ZFHX3: variants seen among roughly 807,000 people sequenced by gnomAD.
ZFHX3 encodes the protein zinc finger homeobox protein 3.
ZFHX3 carries 42 observed loss-of-function variants against 279.1 expected under a neutral mutation model. That is an observed-to-expected ratio of 0.15 (90% CI 0.12 to 0.19). The LOEUF (loss-of-function observed/expected upper bound fraction) is 0.19. ZFHX3 is among the 10% of genes least tolerant of loss of function. The probability of loss-of-function intolerance (pLI) is 1.00; values close to 1 mark genes in which losing one functional copy is unlikely to be tolerated. For missense variants in ZFHX3, 4,981 were observed against 4,754.0 expected, an observed-to-expected ratio of 1.05 and a Z score of -1.40; for synonymous variants, 2,293 against 1,957.8, an observed-to-expected ratio of 1.17 and a Z score of -4.52.
intron 2 of ZFHX3, among the ~76,000 whole-genome samples, chr16:73,659,321 G>A (rs992026656): frequency 9.9e-5 from 15 of 152,132 alleles, no homozygotes; most frequent in African/African-American, 3.6e-4. Context: ...TCAGGGAAGA[G>A]AAGGACCCTG....
rs558831993 is a variant in ZFHX3 at position 72,832,063 on chromosome 16, T to C, written c.3449-2204A>G. On this transcript the variant is annotated intron_variant, in intron 4 of 9. Transcript: ENST00000268489. Reference sequence around the variant, plus strand: ...ACCACCTTAGATGAAGACAGTCTGATACCTACAAACTACAGAACACCCTGA... The same window carrying C: ...ACCACCTTAGATGAAGACAGTCTGACACCTACAAACTACAGAACACCCTGA... Among the ~76,000 whole-genome samples, 530 of 152,314 alleles carry C rather than the reference T, an allele frequency of 3.5e-3. 2 individuals are homozygous for C. The highest frequency in any genetic ancestry group is 0.012 in the African/African-American group (509 of 41,576).
intron 3 of ZFHX3, among the ~76,000 whole-genome samples, chr16:73,450,526 C>T (rs572802378): frequency 9.2e-5 from 14 of 152,182 alleles, no homozygotes; most frequent in African/African-American, 3.1e-4. Flanking sequence ...TTTTCATCTT[C>T]GTGTTTTTCA....
intron 7 of ZFHX3, among the ~76,000 whole-genome samples, chr16:73,117,867 G>C (rs566918840): frequency 1.7e-4 from 26 of 152,190 alleles, no homozygotes; most frequent in Non-Finnish European, 3.4e-4. Context: ...AAAGATGACT[G>C]TCTATGAACC....
intron 2 of ZFHX3, among the ~76,000 whole-genome samples, chr16:73,626,936 G>C (rs2052422477): frequency 6.6e-6 from 1 of 152,082 alleles, no homozygotes; most frequent in East Asian, 1.9e-4. Flanking sequence ...CTTAGCATCT[G>C]GGATAAAGAG....
intron 3 of ZFHX3, among the ~76,000 whole-genome samples, chr16:73,404,864 A>G (rs1033526487): frequency 2.6e-5 from 4 of 152,186 alleles, no homozygotes; most frequent in African/African-American, 9.7e-5. Context: ...AGCACTTTAC[A>G]TACATTATCT....
At chr16:73,307,676 CT>C (rs2015214003) in intron 4 of ZFHX3, among the ~76,000 whole-genome samples, 1 of 152,176 alleles carries the variant, frequency 6.6e-6, no homozygotes, top group South Asian at 2.1e-4. Flanking sequence ...CCTTGGCCAA[CT>C]TTCCTTCTCT....
At chr16:73,146,360 G>T (rs934820335) in intron 5 of ZFHX3, among the ~76,000 whole-genome samples, 3 of 151,958 alleles carry the variant, frequency 2.0e-5, no homozygotes, top group Non-Finnish European at 4.4e-5. Flanking sequence ...CCCGGGAGGC[G>T]GAGGTTGCAG....
rs916965570 is a variant in ZFHX3 at position 73,881,953 on chromosome 16, G to A, written c.-1608+9698C>T. On this transcript the variant is annotated intron_variant, in intron 1 of 17. Transcript: ENST00000641206. Reference sequence around the variant, plus strand: ...ATAGAGGGATTTCTGTGCAGAAAACGCTCGTGGAGTCTGCCGTCTCTTAGT... The same window carrying A: ...ATAGAGGGATTTCTGTGCAGAAAACACTCGTGGAGTCTGCCGTCTCTTAGT... 5.3e-5 allele frequency among the ~76,000 whole-genome samples: 8 copies of A among 152,028 alleles called. No homozygotes were observed. The South Asian group carries it at 1.2e-3, about 24-fold the overall frequency.
chr16:73,742,557 A>C (rs756584647), intron 1 of ZFHX3, among the ~76,000 whole-genome samples: 2 of 152,328 alleles, frequency 1.3e-5, no homozygotes, highest in East Asian at 3.9e-4. Context: ...CATAAAAATT[A>C]CAAAGACTTC....
At chr16:73,417,988 C>CAAAAAAA (rs71156161) in intron 3 of ZFHX3, among the ~76,000 whole-genome samples, 13 of 57,838 alleles carry the variant, frequency 2.2e-4, no homozygotes, top group Middle Eastern at 0.016. Flanking sequence ...GACTCCATCT[C>CAAAAAAA]AAAAAAAAAA....
At chr16:72,926,009 G>C (rs1209069877) in intron 3 of ZFHX3, among the ~76,000 whole-genome samples, 2 of 152,180 alleles carry the variant, frequency 1.3e-5, no homozygotes, top group African/African-American at 4.8e-5. Flanking sequence ...GCAGGTAACT[G>C]AGACCTATTT....
intron 4 of ZFHX3, among the ~76,000 whole-genome samples, chr16:73,303,652 C>T (rs2015109635): frequency 6.6e-6 from 1 of 152,124 alleles, no homozygotes; most frequent in African/African-American, 2.4e-5. Context: ...ACCTACCTTC[C>T]TATGAATTTA....
intron 4 of ZFHX3, among the ~76,000 whole-genome samples, chr16:72,830,074 G>A (rs2037027898): frequency 6.6e-6 from 1 of 152,172 alleles, no homozygotes; most frequent in South Asian, 2.1e-4. Flanking sequence ...GTTGGTATGA[G>A]GTTGTGACTC....
chr16:72,928,407 T>C (rs1259584558), intron 3 of ZFHX3, among the ~76,000 whole-genome samples: 1 of 151,928 alleles, frequency 6.6e-6, no homozygotes, highest in Non-Finnish European at 1.5e-5. Flanking sequence ...ACTGGAGATT[T>C]GAATACATGC....
intron 2 of ZFHX3, among the ~76,000 whole-genome samples, chr16:73,495,861 C>T (rs6564272): frequency 0.22 from 34,166 of 152,152 alleles, 4,262 homozygotes; most frequent in African/African-American, 0.34. Context: ...CAGCTTAAAA[C>T]TGCAGGTCAC....
intron 1 of ZFHX3, among the ~76,000 whole-genome samples, chr16:73,803,180 C>T (rs74028491): frequency 0.017 from 2,611 of 152,196 alleles, 84 homozygotes; most frequent in African/African-American, 0.059. Flanking sequence ...GGCAAAGATA[C>T]GAGTAGAAAT....
chr16:73,035,087 GA>G (rs2144686216), intron 1 of ZFHX3, among the ~76,000 whole-genome samples: 2 of 152,270 alleles, frequency 1.3e-5, no homozygotes, highest in Non-Finnish European at 2.9e-5. Context: ...CCGAGCCTGT[GA>G]CATGTGGCTT....
At chr16:73,624,594 T>C (rs888339206) in intron 2 of ZFHX3, among the ~76,000 whole-genome samples, 4 of 151,814 alleles carry the variant, frequency 2.6e-5, no homozygotes, top group Non-Finnish European at 5.9e-5. Context: ...CTATAGAATA[T>C]TGACAGAGTG....
intron 2 of ZFHX3, among the ~76,000 whole-genome samples, chr16:73,601,940 T>G (rs534277709): frequency 1.3e-5 from 2 of 151,422 alleles, no homozygotes; most frequent in South Asian, 4.2e-4. Flanking sequence ...GGAAGGGGAG[T>G]GGGCTTGGGG....
Sources: gnomAD v4.1 joint callset for allele counts (sites outside exome capture counted in the v4.1 genomes callset) on GRCh38, gnomAD v4.1.1 for gene constraint, MANE v1.5 for transcripts, NCBI Gene and HGNC (gene_info 2026-07-23, HGNC 2026-07-21) for gene names.